The following ELP1 variants were observed in gnomAD, a reference collection of about 807,000 sequenced individuals.
ELP1 encodes elongator acetyltransferase complex subunit 1.
ELP1 carries 131 observed loss-of-function variants against 183.2 expected under a neutral mutation model. That is an observed-to-expected ratio of 0.72 (90% confidence interval 0.62 to 0.83). ELP1 has a LOEUF of 0.83. ELP1 is among the 40% of genes least tolerant of loss of function. ELP1 has a pLI of 0.00. For missense variants in ELP1, 1,550 were observed against 1,594.9 expected (o/e 0.97, Z 0.48); for synonymous variants, 555 against 569.0 (o/e 0.98, Z 0.35).
intron 14 of ELP1, 34 bp downstream of exon 14, chr9:108,906,269 T>C (rs181410317): frequency 5.0e-6 from 8 of 1,610,512 alleles, no homozygotes; most frequent in Non-Finnish European, 6.8e-6. Context: ...CTCCATTTGC[T>C]TAACATGTGG....
Position 108,931,075 on chromosome 9 carries a change from G to A in ELP1, c.72C>T (p.Phe24=). The change falls in exon 2 of 37, where the codon TTC becomes TTT. Residue 24 remains phenylalanine (F), a synonymous_variant. Coordinates refer to ENST00000374647, the MANE Select transcript of ELP1 (RefSeq NM_003640.5). ...CCGTCCCCTGTTCAGTTCGGAGAGA[G>A]AAGCACTGAGGATTCCCTGGACCTT... ...DIQGPGNPQC[F]SLRTEQGTVL... 6.2e-7 allele frequency: 1 copy of A among 1,614,068 alleles called. No individual in the cohort carries two copies. The highest frequency in any genetic ancestry group is 8.5e-7 in the Non-Finnish European group (1 of 1,179,938).
At chr9:108,912,921 A>AT (rs11456399) in intron 10 of ELP1, among the ~76,000 whole-genome samples, 71,511 of 144,962 alleles carry the variant, frequency 0.49, 17,685 homozygotes, top group Middle Eastern at 0.64. Context: ...CACCCGGCTA[A>AT]TTTTTTTTTT....
At chr9:108,930,089 C>T (rs979205829) in intron 2 of ELP1, among the ~76,000 whole-genome samples, 168 bp from the exon 3 acceptor site, 2 of 152,310 alleles carry the variant, frequency 1.3e-5, no homozygotes, top group Admixed American at 1.3e-4. Context: ...ACTACTCTGT[C>T]ATCTCTAACA....
intron 12 of ELP1, among the ~76,000 whole-genome samples, chr9:108,909,059 T>C (rs1829117356): frequency 6.6e-6 from 1 of 152,118 alleles, no homozygotes; most frequent in African/African-American, 2.4e-5. Context: ...TGGGACGCTC[T>C]TACCCCAGAT....
chr9:108,872,818 A>AC (rs1827530038), intron 36 of ELP1, among the ~76,000 whole-genome samples: 2 of 69,404 alleles, frequency 2.9e-5, no homozygotes, highest in Non-Finnish European at 9.2e-5. Flanking sequence ...AAAAAAAAAA[A>AC]AAAAAAAAAA....
intron 10 of ELP1, among the ~76,000 whole-genome samples, chr9:108,913,971 C>T (rs1829330430): frequency 6.6e-6 from 1 of 152,102 alleles, no homozygotes; most frequent in South Asian, 2.1e-4. Context: ...TAAATACTTA[C>T]GTATAATCTC....
chr9:108,880,853 A>G (rs1386727256), intron 31 of ELP1, among the ~76,000 whole-genome samples: 2 of 152,234 alleles, frequency 1.3e-5, no homozygotes, highest in African/African-American at 4.8e-5. Flanking sequence ...AAAGTACCCC[A>G]GCAACGTTTT....
chr9:108,878,103 A>T lies in ELP1; in HGVS notation c.3747T>A (p.Asp1249Glu). 6.2e-7 allele frequency: 1 copy of T among 1,612,684 alleles called. No homozygotes were observed. The highest frequency in any genetic ancestry group is 8.5e-7 in the Non-Finnish European group (1 of 1,178,706). Residue 1249 changes from aspartate to glutamate, a missense_variant, in exon 35 of 37, where the codon GAT (aspartate) becomes GAA (glutamate). Asp to Glu is a conservative substitution (Grantham distance 45). Coordinates refer to ENST00000374647, the MANE Select transcript of ELP1 (RefSeq NM_003640.5). Reference protein sequence around the residue: ...ILKVLFLFEFDEQGRELQKAF... With the variant: ...ILKVLFLFEFEEQGRELQKAF... ...CCTTCTGTAATTCCCTTCCTTGTTC[A>T]TCAAACTCAAAGAGAAAGAGTACCT...
chr9:108,897,214 T>C lies in ELP1; in HGVS notation c.2435A>G (p.Asp812Gly). 1 of 1,614,152 alleles carries C rather than the reference T, an allele frequency of 6.2e-7. No homozygotes were observed. Among genetic ancestry groups the C allele is most frequent in the Non-Finnish European group, 8.5e-7 (1 of 1,180,018 alleles). Residue 812 changes from aspartate to glycine, a missense_variant, in exon 23 of 37, where the codon GAC (aspartate) becomes GGC (glycine). By Grantham distance (94) the Asp-to-Gly change is moderately conservative. Coordinates refer to ENST00000374647, the MANE Select transcript of ELP1 (RefSeq NM_003640.5). ...GCAGACAAGGTCTATTTTATTCCCG[T>C]CAGGATCCCTGGACAGGTAGACACT... ...TSSVYLSRDPDGNKIDLVCDA... is the reference protein window; with the variant it reads ...TSSVYLSRDPGGNKIDLVCDA...
rs142241038 is a variant in ELP1 at position 108,879,720 on chromosome 9, C to T, written c.3461-163G>A. The stretch of plus-strand genomic sequence containing the variant: ...AAAATGAATGAGATAATATTAAATA[C>T]AGTAATTACTAATGTAAATCAGTAG... On this transcript the variant is annotated intron_variant, in intron 32 of 36. Transcript: ENST00000374647. Among the ~76,000 whole-genome samples the T allele has an allele frequency of 4.9e-3, 741 of 152,280 alleles. 8 individuals are homozygous for T. The highest frequency in any genetic ancestry group is 0.017 in the African/African-American group (702 of 41,558).
intron 1 of ELP1, 54 bp from the exon 2 acceptor site, chr9:108,931,255 G>A: frequency 1.7e-6 from 2 of 1,164,452 alleles, no homozygotes; most frequent in Non-Finnish European, 2.5e-6. Context: ...TTATTTAAAT[G>A]AAATGATTCA....
chr9:108,889,716 T>C (rs975389515), intron 28 of ELP1: 4 of 385,582 alleles, frequency 1.0e-5, no homozygotes, highest in East Asian at 6.0e-5. Context: ...GAGCACTAGA[T>C]GGAGGTAGCT....
rs571422569 is a variant in ELP1 at position 108,926,562 on chromosome 9, T to C, written c.427A>G (p.Ile143Val). The change falls in exon 5 of 37, where the codon ATC becomes GTC. Residue 143 changes from isoleucine (I) to valine (V), a missense_variant. Physicochemically the swap from Ile to Val is conservative, Grantham distance 29. Transcript: ENST00000374647. ...LIMMTKDFEPILEQQIHQDDF... is the reference protein window; with the variant it reads ...LIMMTKDFEPVLEQQIHQDDF... ...TCCTGATGGATCTGCTGCTCCAGGA[T>C]TGGCTCAAAATCTTTTGTCATCATA... The C allele has an allele frequency of 5.0e-6, 8 of 1,613,104 alleles. No individual in the cohort carries two copies. Among genetic ancestry groups the C allele is most frequent in the South Asian group, 1.1e-5 (1 of 91,066 alleles).
rs142408464 is a variant in ELP1, at chr9:108,917,700, C to T, written c.741-30G>A. The T allele has an allele frequency of 5.0e-5, 81 of 1,612,768 alleles. No individual in the cohort carries two copies. The East Asian group carries it at 5.6e-4, about 11-fold the overall frequency. On this transcript the variant is annotated intron_variant, in intron 8 of 36. Transcript: ENST00000374647. ...AAGCAAACTCAGAGTGTTACAATAT[C>T]GAAAGCTCACCTAACTAAAGAATAG...
intron 20 of ELP1, 124 bp downstream of exon 20, chr9:108,899,698 G>T: frequency 1.4e-6 from 1 of 727,424 alleles, no homozygotes. Context: ...CTAAGAATCT[G>T]ATTGATGATA....
At position 108,878,835 on chromosome 9, in the gene ELP1, C is replaced by T. The variant is rs141361553; in HGVS notation, c.3573-85G>A. ...GCTACCTTGCCTGGCTACTTTCTTG[C>T]AGTTGCTGATGACCCCACACAACTT... On this transcript the variant is annotated intron_variant, in intron 33 of 36. Coordinates refer to ENST00000374647, the MANE Select transcript of ELP1 (RefSeq NM_003640.5). 3 of 1,468,554 alleles carry T rather than the reference C, an allele frequency of 2.0e-6. No homozygotes were observed. The African/African-American group carries it at 4.2e-5, about 20-fold the overall frequency. 91.0% of individuals were successfully genotyped at this position (1,468,554 alleles called of 1,614,324 possible).
At chr9:108,898,800 C>A (rs1175799052) in intron 20 of ELP1, 51 bp from the exon 21 acceptor site, 2 of 1,228,190 alleles carry the variant, frequency 1.6e-6, no homozygotes, top group African/African-American at 1.5e-5. Flanking sequence ...AAACTGAGCT[C>A]CATGGGCCCA....
intron 1 of ELP1, among the ~76,000 whole-genome samples, chr9:108,932,391 G>A (rs1238521949): frequency 6.6e-6 from 1 of 152,068 alleles, no homozygotes; most frequent in East Asian, 1.9e-4. Context: ...GCCCAGGCTG[G>A]GGTGCAATGG....
Position 108,873,322 on chromosome 9 carries a change from C to T in ELP1, c.3931+1573G>A, listed in dbSNP as rs577105753. ...ATTGATTTCACTTGTGGGGATGTGC[C>T]AATATACTTAACTATTGTTAGCTGG... is the stretch of plus-strand genomic sequence containing the variant. On this transcript the variant is annotated intron_variant, in intron 36 of 36. Coordinates refer to ENST00000374647, the MANE Select transcript of ELP1 (RefSeq NM_003640.5). 2.0e-5 allele frequency among the ~76,000 whole-genome samples: 3 copies of T among 152,240 alleles called. 1 individual carries two copies. Among genetic ancestry groups the T allele is most frequent in the African/African-American group, 7.2e-5 (3 of 41,538 alleles).
Sources: gnomAD v4.1 joint callset for allele counts (sites outside exome capture counted in the v4.1 genomes callset) on GRCh38, gnomAD v4.1.1 for gene constraint, MANE v1.5 for transcripts, NCBI Gene and HGNC (gene_info 2026-07-23, HGNC 2026-07-21) for gene names.